The following SCN4A variants were observed in gnomAD, a reference collection of about 807,000 sequenced individuals.
SCN4A encodes the protein sodium channel protein type 4 subunit alpha.
In SCN4A, 83 loss-of-function variants were observed where a neutral mutation model predicts 162.0. That is an observed-to-expected ratio of 0.51 (90% CI 0.43 to 0.61). SCN4A has a LOEUF of 0.61. Ranked by LOEUF, SCN4A falls within the 20% of genes least tolerant of loss-of-function variation. The pLI, the probability that SCN4A is intolerant of heterozygous loss-of-function variation, is 0.00. For synonymous variants in SCN4A, 944 were observed against 985.1 expected (o/e 0.96, Z 0.78); for missense variants, 2,196 against 2,462.5 (o/e 0.89, Z 2.29).
intron 5 of SCN4A, among the ~76,000 whole-genome samples, chr17:63,970,651 T>A (rs1057164241): frequency 6.6e-6 from 1 of 152,030 alleles, no homozygotes; most frequent in African/African-American, 2.4e-5. Context: ...TTTTTTTTTT[T>A]GAGATGGAAT....
intron 23 of SCN4A, among the ~76,000 whole-genome samples, chr17:63,942,456 T>C (rs1908573530): frequency 6.6e-6 from 1 of 152,236 alleles, no homozygotes; most frequent in Non-Finnish European, 1.5e-5. Context: ...AGATAACACC[T>C]GTCAAGCGCA....
In SCN4A at chr17:63,948,779, G is replaced by T. The variant is rs574276315; in HGVS notation, c.2990-14C>A. On this transcript the variant is annotated splice_polypyrimidine_tract_variant and intron_variant, in intron 15 of 23. Transcript: ENST00000435607. ...GCTGCACGCAGGCTGATGGGGTGAG[G>T]GGGGACAGGGACAGGCACCACATCA... The T allele has an allele frequency of 1.3e-6, 2 of 1,589,492 alleles. No homozygotes were observed. Among genetic ancestry groups the T allele is most frequent in the Admixed American group, 1.7e-5 (1 of 59,310 alleles).
At chr17:63,961,170 T>TCCCCTCCCCCCCCCCCCCCC in intron 11 of SCN4A, 23 bp downstream of exon 11, 1 of 1,016,008 alleles carries the variant, frequency 9.8e-7, no homozygotes, top group Non-Finnish European at 1.5e-6. Context: ...CCATGAATGA[T>TCCCCTCCCCCCCCCCCCCCC]CCCCTCCCCC....
At position 63,972,515 on chromosome 17, in the gene SCN4A, G is replaced by GCAGA; in HGVS notation, c.274-49_274-46dup. The GCAGA allele has an allele frequency of 6.2e-7, 1 of 1,605,454 alleles. No individual in the cohort carries two copies. The highest frequency in any genetic ancestry group is 8.5e-7 in the Non-Finnish European group (1 of 1,175,480). ...GTGAGACCCAGGGACAGACAGACAG[G>GCAGA]CAGACAGATGGATGGATGGCAGACA... On this transcript the variant is annotated intron_variant, in intron 1 of 23. Transcript: ENST00000435607. The surrounding 1 kb of genome is among the most constrained non-coding windows in gnomAD (Gnocchi z 4.3).
chr17:63,947,786 G>T (rs1476778639), intron 17 of SCN4A, 104 bp downstream of exon 17: 21 of 1,119,042 alleles, frequency 1.9e-5, no homozygotes, highest in Non-Finnish European at 2.7e-5. Context: ...GACTCTGGGG[G>T]TGGCCTCGGG....
At chr17:63,942,065 G>C (rs1908558101) in intron 23 of SCN4A, 72 bp from the exon 24 acceptor site, 2 of 1,407,162 alleles carry the variant, frequency 1.4e-6, no homozygotes, top group Non-Finnish European at 1.9e-6. Context: ...GAGCATGCGG[G>C]GCTCAGGGGG....
chr17:63,969,701 T>G (rs1909559903), intron 5 of SCN4A, among the ~76,000 whole-genome samples: 1 of 152,102 alleles, frequency 6.6e-6, no homozygotes, highest in Non-Finnish European at 1.5e-5. Flanking sequence ...TGGAGTGCAG[T>G]GGTGTGATCT....
chr17:63,945,735 T>C lies in SCN4A; in HGVS notation c.3442-97A>G. 1 of 1,400,582 alleles carries C rather than the reference T, an allele frequency of 7.1e-7. No individual in the cohort carries two copies. Among genetic ancestry groups the C allele is most frequent in the Non-Finnish European group, 9.9e-7 (1 of 1,005,886 alleles). 86.8% of individuals were successfully genotyped at this position (1,400,582 alleles called of 1,614,324 possible). A position where few individuals can be genotyped will look rare whatever the true frequency, so the allele number is the denominator to read the frequency against. On this transcript the variant is annotated intron_variant, in intron 18 of 23. Coordinates refer to ENST00000435607, the MANE Select transcript of SCN4A (RefSeq NM_000334.4). The surrounding 1 kb of genome is among the most constrained non-coding windows in gnomAD (Gnocchi z 4.4). Reference sequence around the variant, plus strand: ...CCAGGGGACCAGGCAGAGCTGGGCATTGTCAATTAGGGAGGGCTTCCTAGA... The same window carrying C: ...CCAGGGGACCAGGCAGAGCTGGGCACTGTCAATTAGGGAGGGCTTCCTAGA...
At chr17:63,966,411 TC>T (rs1261284219) in intron 7 of SCN4A, 69 bp downstream of exon 7, 1 of 1,476,360 alleles carries the variant, frequency 6.8e-7, no homozygotes, top group African/African-American at 1.4e-5. Context: ...CCCCAGGTCC[TC>T]ATCTCTAATC....
chr17:63,959,877 A>G (rs960283552), intron 11 of SCN4A, among the ~76,000 whole-genome samples: 1 of 152,164 alleles, frequency 6.6e-6, no homozygotes, highest in Admixed American at 6.5e-5. Context: ...CTGGCATCAC[A>G]GCACCCACAT....
chr17:63,971,018 T>C (rs1421757014), intron 5 of SCN4A, 144 bp downstream of exon 5: 4 of 636,610 alleles, frequency 6.3e-6, no homozygotes, highest in Non-Finnish European at 1.1e-5. Flanking sequence ...TCTGGTCACG[T>C]GGGCCCCTGT....
chr17:63,971,355 A>T, intron 4 of SCN4A, 102 bp from the exon 5 acceptor site: 1 of 722,242 alleles, frequency 1.4e-6, no homozygotes, highest in Non-Finnish European at 2.4e-6. Context: ...TTCCCAAGAA[A>T]TTGGGGGTAC....
Position 63,947,899 on chromosome 17 carries a change from G to A in SCN4A, c.3309C>T (p.Leu1103=), listed in dbSNP as rs1412633144. Residue 1103 remains leucine (L), a synonymous_variant, in exon 17 of 24, where the codon CTC becomes CTT. Transcript: ENST00000435607. The part of the protein sequence containing the change: ...FTNAWCWLDF[L]IVDVSIISLV... ...GCGTGGGGGGACTCACATCCACGAT[G>A]AGGAAGTCGAGCCAGCACCAGGCGT... is the stretch of plus-strand genomic sequence containing the variant. The A allele has an allele frequency of 1.5e-5, 24 of 1,613,536 alleles. No individual in the cohort carries two copies. Among genetic ancestry groups the A allele is most frequent in the Non-Finnish European group, 1.8e-5 (21 of 1,179,660 alleles).
Position 63,942,871 on chromosome 17 carries a change from C to T in SCN4A, c.4243G>A (p.Gly1415Ser). The change falls in exon 23 of 24, where the codon GGC (glycine) becomes AGC (serine). Residue 1415 changes from glycine to serine, a missense_variant. Coordinates refer to ENST00000435607, the MANE Select transcript of SCN4A (RefSeq NM_000334.4). ...LALRQYYFTVGWNIFDFVVVI... is the reference protein window; with the variant it reads ...LALRQYYFTVSWNIFDFVVVI... ...ACCACGAAGTCAAAGATGTTCCAGC[C>T]AACGGTGAAGTAGTACTGGCGCAGG... The T allele has an allele frequency of 6.2e-7, 1 of 1,614,000 alleles. No individual in the cohort carries two copies.
Position 63,944,703 on chromosome 17 carries a change from G to A in SCN4A, c.3882C>T (p.Ile1294=), listed in dbSNP as rs1193527269. ...TCTTCTGCTGGTTGAAGTTGTCAAT[G>A]ATGACGCCAATGAAGAGGTTGAGGG... ...FFTLNLFIGV[I]IDNFNQQKKK... is the part of the protein sequence containing the mutation. The change falls in exon 21 of 24, where the codon ATC becomes ATT. Residue 1294 remains isoleucine, a synonymous_variant. Transcript: ENST00000435607. The surrounding 1 kb of genome is among the most constrained non-coding windows in gnomAD (Gnocchi z 4.3). The A allele has an allele frequency of 1.2e-6, 2 of 1,610,770 alleles. No homozygotes were observed. Among genetic ancestry groups the A allele is most frequent in the Non-Finnish European group, 1.7e-6 (2 of 1,178,456 alleles).
In SCN4A at chr17:63,945,376, A is replaced by G; in HGVS notation, c.3704T>C (p.Leu1235Pro). The G allele has an allele frequency of 6.2e-7, 1 of 1,611,028 alleles. No individual in the cohort carries two copies. The highest frequency in any genetic ancestry group is 8.5e-7 in the Non-Finnish European group (1 of 1,177,410). ...CACACTCACCACCTGCAGGAGGGAG[A>G]GGTAGCCCAGACCCACGTTGTCGTA... Reference protein sequence around the residue: ...VNYDNVGLGYLSLLQVATFKG... With the variant: ...VNYDNVGLGYPSLLQVATFKG... Residue 1235 changes from leucine (L) to proline (P), a missense_variant, in exon 19 of 24, where the codon CTC (leucine) becomes CCC (proline). Physicochemically the swap from Leu to Pro is moderately conservative, Grantham distance 98. Transcript: ENST00000435607. The surrounding 1 kb of genome is among the most constrained non-coding windows in gnomAD (Gnocchi z 4.4).
At position 63,939,182 on chromosome 17, in the gene SCN4A, G is replaced by C. The variant is rs1173837759; in HGVS notation, c.*1589C>G. 2 of 152,700 alleles carry C rather than the reference G, an allele frequency of 1.3e-5. No homozygotes were observed. Among genetic ancestry groups the C allele is most frequent in the Admixed American group, 6.5e-5 (1 of 15,282 alleles). The allele number at this position is 152,700 out of a possible 1,614,324, so 9.5% of individuals were successfully genotyped here. ...TAATCAAACTTTTCATGAGAAACAA[G>C]AAGAAAAAGAAGAGGCACTTAGGCC... is the stretch of plus-strand genomic sequence containing the variant. On this transcript the variant is annotated 3_prime_UTR_variant, in exon 24 of 24. Transcript: ENST00000435607.
Position 63,944,827 on chromosome 17 carries a change from G to T in SCN4A, c.3775-17C>A. 1 of 1,612,132 alleles carries T rather than the reference G, an allele frequency of 6.2e-7. No homozygotes were observed. Among genetic ancestry groups the T allele is most frequent in the Non-Finnish European group, 8.5e-7 (1 of 1,178,876 alleles). On this transcript the variant is annotated splice_polypyrimidine_tract_variant and intron_variant, in intron 20 of 23. Transcript: ENST00000435607. This position sits in a 1 kb window ranked among gnomAD's most constrained non-coding sequence, Gnocchi z 4.3. ...CTCCTCCTTCTGTGGGAGCCACAGGGTGGGACGGCGTGGGTTTGCACGCTG... is the reference window on the plus strand; with the variant it reads ...CTCCTCCTTCTGTGGGAGCCACAGGTTGGGACGGCGTGGGTTTGCACGCTG...
rs1789090586 is a variant in SCN4A, at chr17:63,951,889, C to A, written c.2388G>T (p.Leu796=). ...AGGAGCTCAGCAGCAGAGCCAGGAA[C>A]AGGTTCAGGACCTGGGGCATGGGGT... The part of the protein sequence containing the change: ...MVIGNLVVLN[L]FLALLLSSFS... The change falls in exon 14 of 24, where the codon CTG becomes CTT. Residue 796 remains leucine (L), a synonymous_variant. Transcript: ENST00000435607. The surrounding 1 kb of genome is among the most constrained non-coding windows in gnomAD (Gnocchi z 4.5). The A allele has an allele frequency of 6.5e-7, 1 of 1,535,492 alleles. No individual in the cohort carries two copies. Among genetic ancestry groups the A allele is most frequent in the Non-Finnish European group, 8.7e-7 (1 of 1,144,642 alleles).
Sources: gnomAD v4.1 joint callset for allele counts (sites outside exome capture counted in the v4.1 genomes callset) on GRCh38, gnomAD v4.1.1 for gene constraint, Gnocchi (gnomAD v3.1) non-coding constraint, MANE v1.5 for transcripts, NCBI Gene and HGNC (gene_info 2026-07-23, HGNC 2026-07-21) for gene names.